Variants in FANCA observed in about 807,000 individuals in gnomAD.
FANCA encodes the protein FA complementation group A.
Under a neutral mutation model 194.3 loss-of-function variants are expected in FANCA, and 236 were observed. The observed-to-expected ratio is 1.21, with a 90% CI of 1.09 to 1.35. The LOEUF (loss-of-function observed/expected upper bound fraction) is 1.35. Ranked by LOEUF, FANCA falls within the 40% of genes most tolerant of loss-of-function variation. The probability of loss-of-function intolerance (pLI) is 0.00; values close to 1 mark genes in which losing one functional copy is unlikely to be tolerated. For missense variants in FANCA, 2,628 were observed against 1,813.9 expected (o/e 1.45, Z -8.15); for synonymous variants, 1,014 against 715.8 (o/e 1.42, Z -6.65).
chr16:89,758,826 G>A, intron 29 of FANCA, 121 bp from the exon 30 acceptor site: 1 of 1,480,784 alleles, frequency 6.8e-7, no homozygotes, highest in Non-Finnish European at 9.3e-7. Flanking sequence ...GGTTGAGACT[G>A]GCGGCTCGGG....
intron 4 of FANCA, 56 bp downstream of exon 4, chr16:89,810,873 C>T (rs2143678601): frequency 1.9e-6 from 3 of 1,613,794 alleles, no homozygotes. Context: ...TCCTATTTTC[C>T]CAACCAGCTT....
intron 10 of FANCA, among the ~76,000 whole-genome samples, chr16:89,796,913 C>T (rs1328204781): frequency 6.6e-6 from 1 of 152,122 alleles, no homozygotes; most frequent in Admixed American, 6.5e-5. Context: ...AATCCCAGCA[C>T]TTTGGGAGGC....
Position 89,765,021 on chromosome 16 carries a change from G to A in FANCA, c.2647C>T (p.Leu883Phe), listed in dbSNP as rs761524155. The A allele has an allele frequency of 6.2e-7, 1 of 1,614,250 alleles. No individual in the cohort carries two copies. The highest frequency in any genetic ancestry group is 8.5e-7 in the Non-Finnish European group (1 of 1,180,046). ...AGGCTGGCTACGTCCTCCTCAGAAA[G>A]AGGCTGTCGGGCCTCTGAGAACAAT... ...FRLFSEARQP[L>F]SEEDVASLSW... The change falls in exon 28 of 43, where the codon CTT (leucine) becomes TTT (phenylalanine). Residue 883 changes from leucine (L) to phenylalanine (F), a missense_variant. Physicochemically the swap from Leu to Phe is conservative, Grantham distance 22. Transcript: ENST00000389301.
chr16:89,756,965 G>A (rs1484375803), intron 30 of FANCA, among the ~76,000 whole-genome samples: 1 of 152,160 alleles, frequency 6.6e-6, no homozygotes, highest in East Asian at 1.9e-4. Flanking sequence ...CTAACCGCTG[G>A]ATTTATGGTG....
rs1345505146 is a variant in FANCA at position 89,770,229 on chromosome 16, C to T, written c.2253G>A (p.Arg751=). The part of the protein sequence containing the change: ...RQGPWAALFV[R]TMCGRVLPAV... ...CAGGGAGCACACGTCCACACATGGT[C>T]CTCACGAAGAGGGCAGCCCAGGGAC... The change falls in exon 25 of 43, where the codon AGG becomes AGA. Residue 751 remains arginine (R), a synonymous_variant. Transcript: ENST00000389301. The T allele has an allele frequency of 1.3e-6, 2 of 1,589,290 alleles. No individual in the cohort carries two copies. The highest frequency in any genetic ancestry group is 4.5e-5 in the East Asian group (2 of 44,070).
At chr16:89,743,238 G>A (rs925643695) in intron 36 of FANCA, among the ~76,000 whole-genome samples, 5 of 152,182 alleles carry the variant, frequency 3.3e-5, no homozygotes, top group African/African-American at 9.6e-5. Flanking sequence ...CCTACATTTT[G>A]GAAGAAGAGG....
In FANCA at chr16:89,791,507, A is replaced by C. The variant is rs2143526434; in HGVS notation, c.1255T>G (p.Phe419Val). ...DWVARLMAQAFESCQLDSMVT... is the reference protein window; with the variant it reads ...DWVARLMAQAVESCQLDSMVT... ...ATGCTGTCCAGCTGGCAGCTCTCGA[A>C]TGCCTGGGCCATCAAACGCGCCACC... Residue 419 changes from phenylalanine to valine, a missense_variant, in exon 14 of 43, where the codon TTC becomes GTC. Physicochemically the swap from Phe to Val is conservative, Grantham distance 50 (BLOSUM62 -1). Transcript: ENST00000389301. 6.2e-7 allele frequency: 1 copy of C among 1,614,134 alleles called. No individual in the cohort carries two copies. Among genetic ancestry groups the C allele is most frequent in the Non-Finnish European group, 8.5e-7 (1 of 1,180,024 alleles).
At position 89,737,937 on chromosome 16, in the gene FANCA, T is replaced by G; in HGVS notation, c.*664A>C. On this transcript the variant is annotated 3_prime_UTR_variant, in exon 43 of 43. Transcript: ENST00000389301. The stretch of plus-strand genomic sequence containing the variant: ...GTGAGTCAGGACCCCCTCCCAGGGC[T>G]GTGGCCCTCGCACCTTCTTATCTGC... The G allele has an allele frequency of 6.2e-7, 1 of 1,613,904 alleles. No homozygotes were observed. Among genetic ancestry groups the G allele is most frequent in the Non-Finnish European group, 8.5e-7 (1 of 1,179,858 alleles).
intron 20 of FANCA, among the ~76,000 whole-genome samples, chr16:89,778,126 C>T (rs2039572751): frequency 7.1e-6 from 1 of 140,084 alleles, no homozygotes; most frequent in African/African-American, 2.8e-5. Flanking sequence ...CGCACCACTG[C>T]ACTCCAGCCT....
chr16:89,758,538 G>C (rs755083426), intron 30 of FANCA, 39 bp downstream of exon 30: 4 of 1,607,970 alleles, frequency 2.5e-6, no homozygotes, highest in Non-Finnish European at 2.6e-6. Flanking sequence ...TATTAGTCCT[G>C]TCCCTCCAGA....
intron 23 of FANCA, 98 bp downstream of exon 23, chr16:89,771,580 G>T: frequency 7.0e-7 from 1 of 1,431,398 alleles, no homozygotes; most frequent in Non-Finnish European, 9.7e-7. Context: ...AACTGAGCAA[G>T]TCAAACAGAA....
At chr16:89,811,219 C>CA (rs2143682313) in intron 3 of FANCA, 148 bp from the exon 4 acceptor site, 1 of 965,576 alleles carries the variant, frequency 1.0e-6, no homozygotes, top group African/African-American at 1.6e-5. Context: ...AAGGGAAAAA[C>CA]ATGAGATAAA....
chr16:89,770,363 C>A, intron 24 of FANCA, 104 bp from the exon 25 acceptor site: 1 of 1,169,184 alleles, frequency 8.6e-7, no homozygotes, highest in Non-Finnish European at 1.2e-6. Context: ...CCAAGCTGTT[C>A]CCCAAAACAG....
At chr16:89,808,164 G>A (rs761213127) in intron 6 of FANCA, 130 bp downstream of exon 6, 1 of 819,254 alleles carries the variant, frequency 1.2e-6, no homozygotes, top group Non-Finnish European at 2.2e-6. Flanking sequence ...AATATGCAAT[G>A]CAATCTAGTC....
Position 89,778,856 on chromosome 16 carries a change from G to C in FANCA, c.1777-6C>G. The C allele has an allele frequency of 6.2e-7, 1 of 1,613,950 alleles. No individual in the cohort carries two copies. The highest frequency in any genetic ancestry group is 1.1e-5 in the South Asian group (1 of 91,078). On this transcript the variant is annotated splice_polypyrimidine_tract_variant and splice_region_variant and intron_variant, in intron 19 of 42. Transcript: ENST00000389301. ...GAGTCAGGGACTTTGGGGAGCTGTG[G>C]GAAGAGAAGAGACCTGTGAGAGACT...
chr16:89,746,531 G>A lies in FANCA; in HGVS notation c.3513+53C>T, dbSNP rs1010363366. 29 of 1,399,774 alleles carry A rather than the reference G, an allele frequency of 2.1e-5. No homozygotes were observed. The African/African-American group carries it at 3.7e-4, about 18-fold the overall frequency. 86.7% of individuals were successfully genotyped at this position (1,399,774 alleles called of 1,614,324 possible). A position where few individuals can be genotyped will look rare whatever the true frequency, so the allele number is the denominator to read the frequency against. ...CTGCAGAGATGCCAGAGGCAGCTGT[G>A]GAGTCTCCCACTCATCCCCAAAACA... On this transcript the variant is annotated intron_variant, in intron 35 of 42. Transcript: ENST00000389301.
chr16:89,743,702 A>C (rs537001465), intron 36 of FANCA, among the ~76,000 whole-genome samples: 5 of 152,134 alleles, frequency 3.3e-5, no homozygotes, highest in South Asian at 2.1e-4. Flanking sequence ...TCACGCCTGT[A>C]ATCCCAGCTA....
rs1938055960 is a variant in FANCA at position 89,765,024 on chromosome 16, G to A, written c.2644C>T (p.Pro882Ser). The A allele has an allele frequency of 6.2e-7, 1 of 1,614,232 alleles. No individual in the cohort carries two copies. Among genetic ancestry groups the A allele is most frequent in the Non-Finnish European group, 8.5e-7 (1 of 1,180,038 alleles). ...CTGGCTACGTCCTCCTCAGAAAGAG[G>A]CTGTCGGGCCTCTGAGAACAATCTG... ...MFRLFSEARQ[P>S]LSEEDVASLS... The change falls in exon 28 of 43, where the codon CCT becomes TCT. Residue 882 changes from proline to serine, a missense_variant. Transcript: ENST00000389301.
intron 28 of FANCA, among the ~76,000 whole-genome samples, chr16:89,763,588 TG>T (rs2039023687): frequency 6.6e-6 from 1 of 152,052 alleles, no homozygotes; most frequent in Admixed American, 6.6e-5. Flanking sequence ...CAGGCACACA[TG>T]GGTGAGCCCA....
Sources: allele counts gnomAD v4.1 joint callset (sites outside exome capture counted in the v4.1 genomes callset), GRCh38; gene constraint gnomAD v4.1.1; transcripts MANE v1.5; gene names NCBI Gene and HGNC (gene_info 2026-07-23, HGNC 2026-07-21).